Variants in RNF43 observed in about 807,000 individuals in gnomAD.
RNF43 encodes ring finger protein 43.
A neutral mutation model predicts 78.4 loss-of-function variants in RNF43; 37 were observed. That is an observed-to-expected ratio of 0.47 (90% confidence interval 0.36 to 0.62). RNF43 has a LOEUF of 0.62. Among genes scored for constraint, RNF43 ranks in the 20% least tolerant of loss-of-function variants. The pLI, the probability that RNF43 is intolerant of heterozygous loss-of-function variation, is 0.00. For missense variants in RNF43, 774 were observed against 1,007.9 expected (o/e 0.77, Z 3.14); for synonymous variants, 347 against 395.0 (o/e 0.88, Z 1.44).
chr17:58,367,496 A>G (rs970610563), intron 3 of RNF43, among the ~76,000 whole-genome samples: 2 of 152,210 alleles, frequency 1.3e-5, no homozygotes, highest in African/African-American at 2.4e-5. Flanking sequence ...CTCAGCCTTC[A>G]GATTGCCTGT....
At chr17:58,398,016 A>G (rs1480115692) in intron 2 of RNF43, among the ~76,000 whole-genome samples, 2 of 152,204 alleles carry the variant, frequency 1.3e-5, no homozygotes, top group Admixed American at 6.5e-5. Flanking sequence ...ATCCACTTGT[A>G]ACTGCTGCTA....
At chr17:58,387,565 C>A (rs1451057601) in intron 2 of RNF43, among the ~76,000 whole-genome samples, 2 of 151,854 alleles carry the variant, frequency 1.3e-5, no homozygotes, top group African/African-American at 4.8e-5. Context: ...GCAGGAGAAT[C>A]AGGAGAATCG....
Position 58,360,858 on chromosome 17 carries a change from C to T in RNF43, c.774G>A (p.Glu258=), listed in dbSNP as rs754869199. 1.2e-6 allele frequency: 2 copies of T among 1,613,002 alleles called. No individual in the cohort carries two copies. The highest frequency in any genetic ancestry group is 1.7e-5 in the Admixed American group (1 of 59,892). Reference sequence around the variant, plus strand: ...TGCAGCTGCTCCCTGAGTCTGGCCACTCACCCCGGGCCTGCCTGCAGCTGG... The same window carrying T: ...TGCAGCTGCTCCCTGAGTCTGGCCATTCACCCCGGGCCTGCCTGCAGCTGG... ...YQASCRQARG[E]WPDSGSSCSS... The change falls in exon 7 of 10, where the codon GAG becomes GAA. Residue 258 remains glutamate (E), a synonymous_variant. Coordinates refer to ENST00000407977, the MANE Select transcript of RNF43 (RefSeq NM_017763.6). This position sits in a 1 kb window ranked among gnomAD's most constrained non-coding sequence, Gnocchi z 4.3.
intron 2 of RNF43, among the ~76,000 whole-genome samples, chr17:58,395,405 C>G (rs747633931): frequency 1.3e-5 from 2 of 152,188 alleles, no homozygotes; most frequent in Admixed American, 6.5e-5. Flanking sequence ...TCCAAATCCA[C>G]TACCACAGCA....
chr17:58,364,939 C>CT (rs1478654728), intron 3 of RNF43, among the ~76,000 whole-genome samples: 1 of 152,236 alleles, frequency 6.6e-6, no homozygotes, highest in African/African-American at 2.4e-5. Context: ...GCCCAGGGGG[C>CT]CACTCAGAAC....
chr17:58,361,856 C>T (rs1567875956), intron 6 of RNF43, among the ~76,000 whole-genome samples: 1 of 152,222 alleles, frequency 6.6e-6, no homozygotes, highest in Non-Finnish European at 1.5e-5. Flanking sequence ...ATCACTCCCT[C>T]TCCCATTTAG....
At chr17:58,370,885 G>A (rs766792777) in intron 3 of RNF43, 26 bp downstream of exon 3, 2 of 1,551,960 alleles carry the variant, frequency 1.3e-6, no homozygotes, top group South Asian at 1.2e-5. Flanking sequence ...AGCTCCGGGT[G>A]TGTGTAGGGC....
chr17:58,394,392 T>A lies in RNF43; in HGVS notation c.252+20934A>T, dbSNP rs142172352. Reference sequence around the variant, plus strand: ...ACATGTCTTCGGCTTATCTATGACTTGATATCAAATAGAATAATGAAGAAA... The same window carrying A: ...ACATGTCTTCGGCTTATCTATGACTAGATATCAAATAGAATAATGAAGAAA... On this transcript the variant is annotated intron_variant, in intron 2 of 9. Transcript: ENST00000407977. Among the ~76,000 whole-genome samples, 1,216 of 152,280 alleles carry A rather than the reference T, an allele frequency of 8.0e-3. 70 individuals carry two copies. Among genetic ancestry groups the A allele is most frequent in the Admixed American group, 0.076 (1,170 of 15,302 alleles).
intron 2 of RNF43, among the ~76,000 whole-genome samples, chr17:58,394,734 T>C (rs1381377746): frequency 1.3e-5 from 2 of 152,212 alleles, no homozygotes. Context: ...CTTCCAAGAA[T>C]AACAACAGGA....
Position 58,363,665 on chromosome 17 carries a change from G to C in RNF43, c.376-65C>G, listed in dbSNP as rs1465427373. The C allele has an allele frequency of 2.2e-6, 3 of 1,380,982 alleles. No individual in the cohort carries two copies. In the African/African-American group the frequency reaches 4.3e-5, roughly 20 times the overall value. 85.5% of individuals were successfully genotyped at this position (1,380,982 alleles called of 1,614,324 possible). ...AAGGACAGAGCCCACCCACAGGCTA[G>C]CCTCACCCCTCACACATCTATCCCT... On this transcript the variant is annotated intron_variant, in intron 3 of 9. Coordinates refer to ENST00000407977, the MANE Select transcript of RNF43 (RefSeq NM_017763.6).
chr17:58,357,479 G>A lies in RNF43; in HGVS notation c.2297C>T (p.Ser766Leu), dbSNP rs772783321. Reference sequence around the variant, plus strand: ...CTCTGAAAACTCACCAGGCTGGGCCGACAGCACCTGGCAGTGCGGATAAGG... The same window carrying A: ...CTCTGAAAACTCACCAGGCTGGGCCAACAGCACCTGGCAGTGCGGATAAGG... Reference protein sequence around the residue: ...PCPYPHCQVLSAQPGSEEELE... With the variant: ...PCPYPHCQVLLAQPGSEEELE... The change falls in exon 9 of 10, where the codon TCG (serine) becomes TTG (leucine). Residue 766 changes from serine (S) to leucine (L), a missense_variant. Transcript: ENST00000407977. The surrounding 1 kb of genome is among the most constrained non-coding windows in gnomAD (Gnocchi z 4.5). 2.7e-5 allele frequency: 44 copies of A among 1,614,042 alleles called. No homozygotes were observed. The highest frequency in any genetic ancestry group is 1.9e-4 in the South Asian group (17 of 91,080).
intron 1 of RNF43, chr17:58,416,252 G>A (rs1277089550): frequency 6.6e-6 from 1 of 152,550 alleles, no homozygotes. Flanking sequence ...CAGGTTTCTA[G>A]GCCCACTGCA....
chr17:58,369,354 C>G (rs572800452), intron 3 of RNF43, among the ~76,000 whole-genome samples: 1 of 152,338 alleles, frequency 6.6e-6, no homozygotes, highest in South Asian at 2.1e-4. Context: ...CTTGTCAGCA[C>G]GGCCAGGCCA....
intron 2 of RNF43, among the ~76,000 whole-genome samples, chr17:58,381,993 C>T (rs1046345646): frequency 1.3e-5 from 2 of 152,012 alleles, no homozygotes; most frequent in Admixed American, 1.3e-4. Flanking sequence ...CTCTTTTTGC[C>T]CTTGACTCCC....
intron 3 of RNF43, among the ~76,000 whole-genome samples, chr17:58,368,606 A>G (rs7218637): frequency 0.15 from 22,893 of 148,238 alleles, 1,874 homozygotes; most frequent in Middle Eastern, 0.2. Context: ...CCAGCTACTC[A>G]GGAGGCTGAG....
chr17:58,356,590 G>A (rs1003363732), intron 9 of RNF43, among the ~76,000 whole-genome samples: 4 of 152,156 alleles, frequency 2.6e-5, no homozygotes, highest in African/African-American at 9.7e-5. Flanking sequence ...AGTCCTCCTT[G>A]TTCTTTTACC....
chr17:58,361,059 A>G lies in RNF43; in HGVS notation c.688-115T>C, dbSNP rs1418616992. The G allele has an allele frequency of 4.5e-6, 5 of 1,113,332 alleles. No individual in the cohort carries two copies. In the African/African-American group the frequency reaches 8.1e-5, roughly 18 times the overall value. The allele number at this position is 1,113,332 out of a possible 1,614,324, so 69.0% of individuals were successfully genotyped here. ...AGGTAGATCACATGGCCAGTTGAAC[A>G]TCCTTAGGAGTTCGTCTCCTCGGAG... On this transcript the variant is annotated intron_variant, in intron 6 of 9. Coordinates refer to ENST00000407977, the MANE Select transcript of RNF43 (RefSeq NM_017763.6).
intron 3 of RNF43, among the ~76,000 whole-genome samples, chr17:58,365,790 G>T (rs1972936138): frequency 6.6e-6 from 1 of 152,178 alleles, no homozygotes; most frequent in Non-Finnish European, 1.5e-5. Flanking sequence ...GGATAGGCAG[G>T]CCCTCAGGAC....
At chr17:58,408,494 C>G (rs1164448625) in intron 2 of RNF43, among the ~76,000 whole-genome samples, 1 of 152,060 alleles carries the variant, frequency 6.6e-6, no homozygotes, top group Non-Finnish European at 1.5e-5. Context: ...AAATCAGGAC[C>G]TGAATAAATC....
Sources: allele counts gnomAD v4.1 joint callset (sites outside exome capture counted in the v4.1 genomes callset), GRCh38; gene constraint gnomAD v4.1.1; non-coding constraint Gnocchi (gnomAD v3.1); transcripts MANE v1.5; gene names NCBI Gene and HGNC (gene_info 2026-07-23, HGNC 2026-07-21).